Variants in SPTBN5 observed in about 807,000 individuals in gnomAD.
The protein encoded by SPTBN5 is spectrin beta chain, non-erythrocytic 5.
In SPTBN5, 513 loss-of-function variants were observed where a neutral mutation model predicts 477.6. The ratio of observed to expected loss-of-function variants is 1.07; its 90% confidence interval spans 1.00 to 1.16. The LOEUF is 1.16. Ranked by LOEUF, SPTBN5 falls within the 50% of genes most tolerant of loss-of-function variation. SPTBN5 has a pLI of 0.00. For missense variants in SPTBN5, 5,062 were observed against 4,731.8 expected, an observed-to-expected ratio of 1.07 and a Z score of -2.05; for synonymous variants, 2,169 against 2,011.7, an observed-to-expected ratio of 1.08 and a Z score of -2.09.
chr15:41,864,931 G>A (rs184708043), intron 39 of SPTBN5, among the ~76,000 whole-genome samples: 30 of 152,336 alleles, frequency 2.0e-4, no homozygotes, highest in Middle Eastern at 3.4e-3. Flanking sequence ...TATAGATGCC[G>A]GAGCAGAGCT....
intron 63 of SPTBN5, 106 bp downstream of exon 63, chr15:41,851,673 G>A (rs2065769543): frequency 1.2e-6 from 1 of 848,342 alleles, no homozygotes; most frequent in Non-Finnish European, 1.9e-6. Context: ...GGTGGCATCT[G>A]CCCAAGTTCA....
Position 41,851,298 on chromosome 15 carries a change from C to G in SPTBN5, c.10728G>C (p.Glu3576Asp), listed in dbSNP as rs2065753395. Residue 3576 changes from glutamate to aspartate, a missense_variant, in exon 64 of 68, where the codon GAG (glutamate) becomes GAC (aspartate). Coordinates refer to ENST00000320955, the MANE Select transcript of SPTBN5 (RefSeq NM_016642.4). The part of the protein sequence containing the change: ...QGSSLSLFLD[E>D]RMAAEKVASI... Reference sequence around the variant, plus strand: ...CGCCTGGTACCTCCGCTGCCATCCTCTCATCCAGGAACAGGCTCAGAGAGC... The same window carrying G: ...CGCCTGGTACCTCCGCTGCCATCCTGTCATCCAGGAACAGGCTCAGAGAGC... 6.4e-7 allele frequency: 1 copy of G among 1,551,162 alleles called. No individual in the cohort carries two copies. Among genetic ancestry groups the G allele is most frequent in the Non-Finnish European group, 8.7e-7 (1 of 1,147,018 alleles).
chr15:41,877,113 T>C lies in SPTBN5; in HGVS notation c.3711+3A>G. 1 of 1,613,792 alleles carries C rather than the reference T, an allele frequency of 6.2e-7. No homozygotes were observed. The highest frequency in any genetic ancestry group is 1.1e-5 in the South Asian group (1 of 91,024). On this transcript the variant is annotated splice_donor_region_variant and intron_variant, in intron 18 of 67. Coordinates refer to ENST00000320955, the MANE Select transcript of SPTBN5 (RefSeq NM_016642.4). Reference sequence around the variant, plus strand: ...AGCCTAGCTCCACATTCCTGCTCCATACCCCAAGGTTGTCCAGGTGCAGCC... The same window carrying C: ...AGCCTAGCTCCACATTCCTGCTCCACACCCCAAGGTTGTCCAGGTGCAGCC...
intron 19 of SPTBN5, 50 bp downstream of exon 19, chr15:41,876,759 A>G: frequency 6.2e-7 from 1 of 1,606,814 alleles, no homozygotes; most frequent in Non-Finnish European, 8.5e-7. Context: ...CCGTCTGTGC[A>G]GGCTGAGAAA....
chr15:41,868,635 AG>A (rs1247270218), intron 32 of SPTBN5, 34 bp from the exon 33 acceptor site: 2 of 1,585,356 alleles, frequency 1.3e-6, no homozygotes, highest in Admixed American at 1.7e-5. Flanking sequence ...GAGCCGGGTG[AG>A]GGCTGGGCTG....
chr15:41,887,499 T>C, intron 5 of SPTBN5, 58 bp from the exon 6 acceptor site: 2 of 1,333,074 alleles, frequency 1.5e-6, no homozygotes, highest in Non-Finnish European at 2.1e-6. Flanking sequence ...TTCCTTTAAG[T>C]AGATTCTTAA....
intron 15 of SPTBN5, 117 bp from the exon 16 acceptor site, chr15:41,879,616 C>CCTGTGCCT: frequency 6.4e-7 from 1 of 1,566,436 alleles, no homozygotes; most frequent in South Asian, 1.2e-5. Context: ...TTGCCCCTTC[C>CCTGTGCCT]CTGTGCCTCG....
rs763134024 is a variant in SPTBN5, at chr15:41,855,749, G to A, written c.9022-4C>T. The A allele has an allele frequency of 6.4e-7, 1 of 1,571,674 alleles. No homozygotes were observed. The highest frequency in any genetic ancestry group is 2.3e-5 in the East Asian group (1 of 43,480). On this transcript the variant is annotated splice_region_variant and splice_polypyrimidine_tract_variant and intron_variant, in intron 53 of 67. Transcript: ENST00000320955. ...GCCAGGATCCCGCCTCCAGGAGCTG[G>A]GGGTGACAGAGTGGAGATCCGTTTT...
chr15:41,851,946 A>T, intron 62 of SPTBN5, 96 bp from the exon 63 acceptor site: 1 of 1,059,428 alleles, frequency 9.4e-7, no homozygotes, highest in Non-Finnish European at 1.4e-6. Flanking sequence ...TATTCCTCCC[A>T]TCCAAGTACT....
Position 41,850,911 on chromosome 15 carries a change from C to T in SPTBN5, c.10864G>A (p.Ala3622Thr). ...TCAGCCTGCTCTTCGGACGGTGCTG[C>T]AAACAGGATCTCTGCCCCACTGGTC... ...RLTSGAEILF[A>T]APSEEQAESW... The change falls in exon 66 of 68, where the codon GCA becomes ACA. Residue 3622 changes from alanine to threonine, a missense_variant. Physicochemically the swap from Ala to Thr is moderately conservative, Grantham distance 58. Coordinates refer to ENST00000320955, the MANE Select transcript of SPTBN5 (RefSeq NM_016642.4). 1 of 1,603,278 alleles carries T rather than the reference C, an allele frequency of 6.2e-7. No individual in the cohort carries two copies. The highest frequency in any genetic ancestry group is 8.5e-7 in the Non-Finnish European group (1 of 1,175,952).
chr15:41,855,031 A>G, intron 55 of SPTBN5, 55 bp from the exon 56 acceptor site: 2 of 1,483,464 alleles, frequency 1.3e-6, no homozygotes, highest in Non-Finnish European at 1.8e-6. Context: ...TGAGCTCTCA[A>G]AGCTCATGAA....
chr15:41,866,182 G>A lies in SPTBN5; in HGVS notation c.6678C>T (p.Val2226=), dbSNP rs1440194751. 1.3e-6 allele frequency: 2 copies of A among 1,576,072 alleles called. No homozygotes were observed. The highest frequency in any genetic ancestry group is 1.7e-4 in the Middle Eastern group (1 of 6,006). Residue 2226 remains valine (V), a synonymous_variant, in exon 38 of 68, where the codon GTC becomes GTT. Transcript: ENST00000320955. ...LAQSHPRAGE[V]SQRLQGLRKH... ...TCCGCAGGCCCTGCAGCCGCTGGGAGACCTCTCCGGCTCGAGGGTGACTCT... is the reference window on the plus strand; with the variant it reads ...TCCGCAGGCCCTGCAGCCGCTGGGAAACCTCTCCGGCTCGAGGGTGACTCT...
chr15:41,867,243 G>A (rs1444498532), intron 35 of SPTBN5, 117 bp from the exon 36 acceptor site: 5 of 1,215,778 alleles, frequency 4.1e-6, no homozygotes, highest in Non-Finnish European at 5.6e-6. Flanking sequence ...GCCCCACATG[G>A]CTGAGGGGTA....
At chr15:41,872,909 G>T (rs775030632) in intron 26 of SPTBN5, among the ~76,000 whole-genome samples, 82 of 152,192 alleles carry the variant, frequency 5.4e-4, no homozygotes, top group Non-Finnish European at 1.1e-3. Context: ...ACTGGAACTG[G>T]GGCTGTGCAG....
Position 41,861,469 on chromosome 15 carries a change from C to G in SPTBN5, c.7765G>C (p.Glu2589Gln), listed in dbSNP as rs775265902. The G allele has an allele frequency of 2.5e-6, 4 of 1,613,616 alleles. No individual in the cohort carries two copies. Among genetic ancestry groups the G allele is most frequent in the Admixed American group, 1.7e-5 (1 of 60,036 alleles). ...QLFLSSVEKM[E>Q]RWLCSKEDSL... is the part of the protein sequence containing the mutation. Reference sequence around the variant, plus strand: ...TCTTCCTTGCTGCAAAGCCAACGTTCCATCTTCTCCACTGAGCTCAGAAAC... The same window carrying G: ...TCTTCCTTGCTGCAAAGCCAACGTTGCATCTTCTCCACTGAGCTCAGAAAC... The change falls in exon 46 of 68, where the codon GAA becomes CAA. Residue 2589 changes from glutamate to glutamine, a missense_variant. Glu to Gln is a conservative substitution (Grantham distance 29). Transcript: ENST00000320955.
intron 31 of SPTBN5, 98 bp from the exon 32 acceptor site, chr15:41,870,118 C>T (rs559372726): frequency 4.6e-5 from 66 of 1,441,104 alleles, no homozygotes; most frequent in Non-Finnish European, 4.8e-5. Flanking sequence ...CCTTGGGCCA[C>T]GTCCTGCCAT....
At chr15:41,873,770 G>T in intron 25 of SPTBN5, 75 bp downstream of exon 25, 1 of 1,574,772 alleles carries the variant, frequency 6.4e-7, no homozygotes, top group Non-Finnish European at 8.6e-7. Context: ...CCGCCTCCCT[G>T]AGAGTCCCAC....
rs1317293938 is a variant in SPTBN5, at chr15:41,874,233, G to A, written c.4689+59C>T. 7 of 1,558,126 alleles carry A rather than the reference G, an allele frequency of 4.5e-6. No homozygotes were observed. The African/African-American group carries it at 6.8e-5, about 15-fold the overall frequency. ...CCAGGACACCTGAGTAGGGGCAGAGGGTTTCTAAGGTCTGGGAAGCGGATG... is the reference window on the plus strand; with the variant it reads ...CCAGGACACCTGAGTAGGGGCAGAGAGTTTCTAAGGTCTGGGAAGCGGATG... On this transcript the variant is annotated intron_variant, in intron 24 of 67. Transcript: ENST00000320955.
intron 4 of SPTBN5, 61 bp downstream of exon 4, chr15:41,890,028 T>C: frequency 9.2e-7 from 1 of 1,086,972 alleles, no homozygotes; most frequent in Non-Finnish European, 1.4e-6. Flanking sequence ...CCCAGGGGTC[T>C]GAGGTGAGGC....
Sources: allele counts gnomAD v4.1 joint callset (sites outside exome capture counted in the v4.1 genomes callset), GRCh38; gene constraint gnomAD v4.1.1; transcripts MANE v1.5; gene names NCBI Gene and HGNC (gene_info 2026-07-23, HGNC 2026-07-21).